Variants in POU6F2 observed in about 807,000 individuals in gnomAD.
POU6F2 encodes the protein POU class 6 homeobox 2.
POU6F2 carries 31 observed loss-of-function variants against 71.3 expected under a neutral mutation model. The observed-to-expected ratio is 0.43, with a 90% CI of 0.33 to 0.59. POU6F2 has a LOEUF of 0.59. POU6F2 is among the 20% of genes least tolerant of loss of function. The pLI, the probability that POU6F2 is intolerant of heterozygous loss-of-function variation, is 0.04. For missense variants in POU6F2, 783 were observed against 856.8 expected, an observed-to-expected ratio of 0.91 and a Z score of 1.07; for synonymous variants, 347 against 355.7, an observed-to-expected ratio of 0.98 and a Z score of 0.27.
chr7:39,171,203 C>G (rs961215216), intron 2 of POU6F2, among the ~76,000 whole-genome samples: 2 of 151,734 alleles, frequency 1.3e-5, no homozygotes, highest in Admixed American at 1.3e-4. Context: ...ACCCCATCCC[C>G]CAACAGGCCC....
rs1562670753 is a variant in POU6F2, at chr7:39,015,867, TTA to T, written c.105+37816_105+37817del. 4.3e-5 allele frequency among the ~76,000 whole-genome samples: 3 copies of T among 69,706 alleles called. No homozygotes were observed. The East Asian group carries it at 1.4e-3, about 32-fold the overall frequency. 45.7% of individuals were successfully genotyped at this position (69,706 alleles called of 152,430 possible). A position where few individuals can be genotyped will look rare whatever the true frequency, so the allele number is the denominator to read the frequency against. On this transcript the variant is annotated intron_variant, in intron 1 of 9. Transcript: ENST00000518318. Reference sequence around the variant, plus strand: ...ATTATATATAGATATATATAATATATTATATATAGATATATATTATATATTAT... The same window carrying T: ...ATTATATATAGATATATATAATATATTATATAGATATATATTATATATTAT...
At position 39,464,503 on chromosome 7, in the gene POU6F2, CCCT is replaced by C. The variant is rs757357714; in HGVS notation, c.1981_1983del (p.Pro661del). 1.9e-6 allele frequency: 3 copies of C among 1,613,768 alleles called. No homozygotes were observed. Among genetic ancestry groups the C allele is most frequent in the Non-Finnish European group, 8.5e-7 (1 of 1,179,772 alleles). On this transcript the variant is annotated inframe_deletion, in exon 10 of 10. Coordinates refer to ENST00000518318, the MANE Select transcript of POU6F2 (RefSeq NM_001370959.1). The surrounding 1 kb of genome is among the most constrained non-coding windows in gnomAD (Gnocchi z 4.1). Reference sequence around the variant, plus strand: ...ATGCCCACTTTGAGAAGAACACACACCCTTCTGGGCAGGAAATGACCGAAATTG... The same window carrying C: ...ATGCCCACTTTGAGAAGAACACACACTCTGGGCAGGAAATGACCGAAATTG...
At chr7:39,205,745 C>A (rs572406166) in intron 3 of POU6F2, among the ~76,000 whole-genome samples, 1 of 152,280 alleles carries the variant, frequency 6.6e-6, no homozygotes, top group African/African-American at 2.4e-5. Flanking sequence ...AGGAGCAAGG[C>A]CTGTGGGGTC....
intron 4 of POU6F2, among the ~76,000 whole-genome samples, chr7:39,317,752 A>G (rs1785300119): frequency 6.6e-6 from 1 of 152,258 alleles, no homozygotes; most frequent in South Asian, 2.1e-4. Flanking sequence ...TTCAAAATGT[A>G]TCAGATAAAC....
At chr7:39,285,728 G>A (rs1784638337) in intron 4 of POU6F2, among the ~76,000 whole-genome samples, 1 of 152,152 alleles carries the variant, frequency 6.6e-6, no homozygotes, top group Non-Finnish European at 1.5e-5. Flanking sequence ...TATATAAAAT[G>A]TTGTAAAAAG....
At chr7:39,061,148 TG>T (rs1436613878) in intron 1 of POU6F2, among the ~76,000 whole-genome samples, 1 of 147,194 alleles carries the variant, frequency 6.8e-6, no homozygotes, top group Non-Finnish European at 1.5e-5. Context: ...TTTAGAAGAC[TG>T]GTATTATTTT....
intron 8 of POU6F2, among the ~76,000 whole-genome samples, chr7:39,453,201 T>A (rs1024100599): frequency 6.6e-6 from 1 of 152,200 alleles, no homozygotes; most frequent in Non-Finnish European, 1.5e-5. Context: ...TTCCATCAAC[T>A]GTATTTTAGG....
chr7:39,278,121 G>GAGGGAGGA (rs1562774108), intron 4 of POU6F2, among the ~76,000 whole-genome samples: 6 of 112,658 alleles, frequency 5.3e-5, no homozygotes, highest in Non-Finnish European at 1.2e-4. Flanking sequence ...GGGAGGGAGG[G>GAGGGAGGA]AGGAAGGAAT....
intron 4 of POU6F2, among the ~76,000 whole-genome samples, chr7:39,279,120 CT>C (rs1322685768): frequency 2.0e-5 from 3 of 152,184 alleles, no homozygotes; most frequent in Non-Finnish European, 4.4e-5. Context: ...GCTCCAGCCA[CT>C]CTTGCCAATC....
intron 2 of POU6F2, among the ~76,000 whole-genome samples, chr7:39,140,583 T>C (rs186368032): frequency 6.6e-6 from 1 of 152,290 alleles, no homozygotes; most frequent in East Asian, 1.9e-4. Flanking sequence ...CATGACCTAT[T>C]TCCTCATCCT....
At chr7:39,259,495 C>T (rs534029551) in intron 4 of POU6F2, among the ~76,000 whole-genome samples, 1 of 152,160 alleles carries the variant, frequency 6.6e-6, no homozygotes, top group South Asian at 2.1e-4. Flanking sequence ...AAAAGGCAAG[C>T]GAGAAGCAGA....
At chr7:39,200,555 G>T (rs112858656) in intron 2 of POU6F2, among the ~76,000 whole-genome samples, 2 of 152,112 alleles carry the variant, frequency 1.3e-5, no homozygotes, top group Non-Finnish European at 2.9e-5. Flanking sequence ...TCATCCAGTG[G>T]TGCCAAGGAC....
At chr7:39,311,553 C>T (rs1039146385) in intron 4 of POU6F2, among the ~76,000 whole-genome samples, 3 of 152,206 alleles carry the variant, frequency 2.0e-5, no homozygotes, top group African/African-American at 7.2e-5. Flanking sequence ...CCGGCCCTTA[C>T]TAGGTAGTCA....
At chr7:39,193,186 G>T (rs1793706169) in intron 2 of POU6F2, among the ~76,000 whole-genome samples, 1 of 152,106 alleles carries the variant, frequency 6.6e-6, no homozygotes, top group African/African-American at 2.4e-5. Flanking sequence ...GCTGCACTTA[G>T]CTCATTATTA....
chr7:39,029,368 A>G (rs1052838492), intron 1 of POU6F2, among the ~76,000 whole-genome samples: 3 of 151,992 alleles, frequency 2.0e-5, no homozygotes, highest in African/African-American at 7.3e-5. Flanking sequence ...GTTTCCTATT[A>G]CAGTGACTTA....
chr7:39,083,174 G>A (rs1453456381), intron 1 of POU6F2, among the ~76,000 whole-genome samples: 1 of 152,162 alleles, frequency 6.6e-6, no homozygotes, highest in Non-Finnish European at 1.5e-5. Flanking sequence ...AATAAGGCAA[G>A]AGTAGAATAT....
At chr7:38,985,186 T>C (rs1463700574) in intron 1 of POU6F2, among the ~76,000 whole-genome samples, 1 of 152,140 alleles carries the variant, frequency 6.6e-6, no homozygotes, top group East Asian at 1.9e-4. Context: ...TAGTAGGGAC[T>C]ATGGCACGCC....
chr7:39,178,467 A>C (rs1289111431), intron 2 of POU6F2, among the ~76,000 whole-genome samples: 1 of 152,138 alleles, frequency 6.6e-6, no homozygotes, highest in African/African-American at 2.4e-5. Flanking sequence ...GTATAATACA[A>C]ATTATATTAA....
intron 1 of POU6F2, among the ~76,000 whole-genome samples, chr7:39,045,402 C>G (rs1402521259): frequency 6.6e-6 from 1 of 151,866 alleles, no homozygotes; most frequent in Non-Finnish European, 1.5e-5. Flanking sequence ...TATGCTCTCT[C>G]CCTGCCAAGA....
Sources: allele counts gnomAD v4.1 joint callset (sites outside exome capture counted in the v4.1 genomes callset), GRCh38; gene constraint gnomAD v4.1.1; non-coding constraint Gnocchi (gnomAD v3.1); transcripts MANE v1.5; gene names NCBI Gene and HGNC (gene_info 2026-07-23, HGNC 2026-07-21).